The following PRDM16 variants were observed in gnomAD, a reference collection of about 807,000 sequenced individuals.
PRDM16 encodes PR/SET domain 16, also known as histone-lysine N-methyltransferase PRDM16.
PRDM16 carries 23 observed loss-of-function variants against 110.6 expected under a neutral mutation model. The observed-to-expected ratio is 0.21, with a 90% confidence interval of 0.15 to 0.29. The LOEUF (loss-of-function observed/expected upper bound fraction) is 0.29, where lower values mean the gene tolerates loss of function less well. Ranked by LOEUF, PRDM16 falls within the 10% of genes least tolerant of loss-of-function variation. The pLI is 1.00. For missense variants in PRDM16, 1,615 were observed against 1,794.3 expected, an observed-to-expected ratio of 0.90 and a Z score of 1.81; for synonymous variants, 799 against 781.8, an observed-to-expected ratio of 1.02 and a Z score of -0.37.
chr1:3,407,372 G>A (rs552562059), intron 8 of PRDM16, among the ~76,000 whole-genome samples: 90 of 152,346 alleles, frequency 5.9e-4, no homozygotes, highest in African/African-American at 2.0e-3. Context: ...CCTGCCGGCC[G>A]TTCCACAAGT....
chr1:3,191,314 C>T (rs1353920911), intron 2 of PRDM16, among the ~76,000 whole-genome samples: 1 of 152,172 alleles, frequency 6.6e-6, no homozygotes, highest in East Asian at 1.9e-4. Context: ...TGTATCTGGG[C>T]CAGGGCCTGT....
At chr1:3,324,330 C>G (rs1178918218) in intron 3 of PRDM16, among the ~76,000 whole-genome samples, 8 of 152,190 alleles carry the variant, frequency 5.3e-5, no homozygotes, top group African/African-American at 1.4e-4. Context: ...ACCTTTGCCA[C>G]CCTGCCCCGC....
intron 1 of PRDM16, among the ~76,000 whole-genome samples, chr1:3,167,241 G>A (rs1253397984): frequency 6.6e-6 from 1 of 152,130 alleles, no homozygotes; most frequent in Non-Finnish European, 1.5e-5. Flanking sequence ...CCTTCAGCCT[G>A]TACACAAAGC....
At chr1:3,389,158 G>A (rs1643250808) in intron 4 of PRDM16, among the ~76,000 whole-genome samples, 2 of 152,202 alleles carry the variant, frequency 1.3e-5, no homozygotes, top group Admixed American at 6.5e-5. Context: ...CCACTGGGGA[G>A]AGGCAGGGGA....
chr1:3,348,017 C>T (rs1478734825), intron 3 of PRDM16, among the ~76,000 whole-genome samples: 7 of 149,886 alleles, frequency 4.7e-5, no homozygotes, highest in South Asian at 4.3e-4. Context: ...CTGCTTTGGC[C>T]GAGGCTAGAA....
chr1:3,167,326 C>T (rs915400408), intron 1 of PRDM16, among the ~76,000 whole-genome samples: 18 of 152,132 alleles, frequency 1.2e-4, no homozygotes, highest in South Asian at 8.3e-4. Context: ...ATCCGTCATC[C>T]GCAGAACTCA....
intron 1 of PRDM16, among the ~76,000 whole-genome samples, chr1:3,162,461 G>C (rs1352441965): frequency 6.6e-6 from 1 of 152,172 alleles, no homozygotes; most frequent in Non-Finnish European, 1.5e-5. Flanking sequence ...ACTCCCAAGA[G>C]AGCTGCAGCA....
At position 3,369,987 on chromosome 1, in the gene PRDM16, C is replaced by T. The variant is rs76103107; in HGVS notation, c.439-15165C>T. ...CGAAAGGCAGTGAGTCACTGAGCTC[C>T]TCCAGCCCGGCGTGTCACAGGGAGA... On this transcript the variant is annotated intron_variant, in intron 3 of 16. Transcript: ENST00000270722. Among the ~76,000 whole-genome samples, 995 of 152,294 alleles carry T rather than the reference C, an allele frequency of 6.5e-3. 14 individuals carry two copies. The highest frequency in any genetic ancestry group is 0.057 in the South Asian group (274 of 4,820).
chr1:3,157,015 C>T lies in PRDM16; in HGVS notation c.38-29110C>T, dbSNP rs568232229. Among the ~76,000 whole-genome samples the T allele has an allele frequency of 6.1e-4, 93 of 152,314 alleles. No individual in the cohort carries two copies. The highest frequency in any genetic ancestry group is 1.6e-4 in the Non-Finnish European group (11 of 68,036). ...GTGCAAGCTGTAAGCCAGTGAGTGT[C>T]TGGTTAGAGGCTGGGCTGGGGCTGA... On this transcript the variant is annotated intron_variant, in intron 1 of 16. Transcript: ENST00000270722. The surrounding 1 kb of genome is among the most constrained non-coding windows in gnomAD (Gnocchi z 4.8).
intron 2 of PRDM16, among the ~76,000 whole-genome samples, chr1:3,235,505 C>T (rs2100895846): frequency 6.6e-6 from 1 of 152,318 alleles, no homozygotes; most frequent in African/African-American, 2.4e-5. Flanking sequence ...TGCTCGGGGA[C>T]AGGGGCCTGC....
rs1405633619 is a variant in PRDM16, at chr1:3,190,236, C to CAT, written c.387+3762_387+3763insAT. Among the ~76,000 whole-genome samples the CAT allele has an allele frequency of 1.8e-4, 26 of 148,350 alleles. 2 individuals carry two copies. The highest frequency in any genetic ancestry group is 3.5e-4 in the Non-Finnish European group (24 of 67,812). ...TCGTGGGGCAGCCTTACTTCAAGGT[C>CAT]GTGGGGCAGCCTTACTTCAAGGTCG... On this transcript the variant is annotated intron_variant, in intron 2 of 16. Coordinates refer to ENST00000270722, the MANE Select transcript of PRDM16 (RefSeq NM_022114.4). The surrounding 1 kb of genome is among the most constrained non-coding windows in gnomAD (Gnocchi z 5.0).
In PRDM16 at chr1:3,426,229, A is replaced by G. The variant is rs903904639; in HGVS notation, c.3284+4A>G. ...CATCAACGCGAACAGAGAAACGGTA[A>G]GAAAACTATCGCGGGCTGGGGAAAG... is the stretch of plus-strand genomic sequence containing the variant. On this transcript the variant is annotated splice_donor_region_variant and intron_variant, in intron 14 of 16. Transcript: ENST00000270722. 1 of 1,612,012 alleles carries G rather than the reference A, an allele frequency of 6.2e-7. No individual in the cohort carries two copies. Among genetic ancestry groups the G allele is most frequent in the Non-Finnish European group, 8.5e-7 (1 of 1,178,550 alleles).
At chr1:3,180,036 A>C (rs1326672528) in intron 1 of PRDM16, among the ~76,000 whole-genome samples, 2 of 152,048 alleles carry the variant, frequency 1.3e-5, no homozygotes, top group African/African-American at 2.4e-5. Flanking sequence ...CTTCCGTCTC[A>C]TACTTTTGAC....
At chr1:3,181,718 A>C (rs905009401) in intron 1 of PRDM16, among the ~76,000 whole-genome samples, 1 of 87,882 alleles carries the variant, frequency 1.1e-5, no homozygotes, top group African/African-American at 4.2e-5. Context: ...TTACACACGC[A>C]GTCTTACACA....
intron 2 of PRDM16, among the ~76,000 whole-genome samples, chr1:3,233,958 G>A (rs1005788342): frequency 1.3e-5 from 2 of 152,110 alleles, no homozygotes; most frequent in African/African-American, 4.8e-5. Flanking sequence ...CCTCTTGCGG[G>A]TGGGAGTGGC....
rs534381838 is a variant in PRDM16, at chr1:3,365,628, C to A, written c.439-19524C>A. Among the ~76,000 whole-genome samples, 7 of 152,330 alleles carry A rather than the reference C, an allele frequency of 4.6e-5. No homozygotes were observed. In the South Asian group the frequency reaches 1.4e-3, roughly 32 times the overall value. The stretch of plus-strand genomic sequence containing the variant: ...TGGGGGCTCTGTGCTAGGCAGCCAG[C>A]GGCCCTGAATGTTAGCTGCAGGCAG... On this transcript the variant is annotated intron_variant, in intron 3 of 16. Coordinates refer to ENST00000270722, the MANE Select transcript of PRDM16 (RefSeq NM_022114.4).
In PRDM16 at chr1:3,359,878, C is replaced by A. The variant is rs959505767; in HGVS notation, c.439-25274C>A. ...AAGGGCTTCCAATGTGTTCCATGTG[C>A]AGGATCTCTTGGAAGACGGATGCCG... On this transcript the variant is annotated intron_variant, in intron 3 of 16. Coordinates refer to ENST00000270722, the MANE Select transcript of PRDM16 (RefSeq NM_022114.4). This position sits in a 1 kb window ranked among gnomAD's most constrained non-coding sequence, Gnocchi z 4.3. 1.3e-5 allele frequency among the ~76,000 whole-genome samples: 2 copies of A among 152,184 alleles called. No individual in the cohort carries two copies. Among genetic ancestry groups the A allele is most frequent in the African/African-American group, 4.8e-5 (2 of 41,446 alleles).
chr1:3,114,896 C>G (rs529839022), intron 1 of PRDM16, among the ~76,000 whole-genome samples: 20 of 152,386 alleles, frequency 1.3e-4, no homozygotes, highest in African/African-American at 4.8e-4. Flanking sequence ...ATGCAGGATT[C>G]GCACTCAGCC....
chr1:3,354,432 C>T (rs1287823437), intron 3 of PRDM16, among the ~76,000 whole-genome samples: 1 of 147,852 alleles, frequency 6.8e-6, no homozygotes, highest in East Asian at 2.0e-4. Context: ...TGCACTCCAG[C>T]CTGGGTGACA....
Sources: gnomAD v4.1 joint callset for allele counts (sites outside exome capture counted in the v4.1 genomes callset) on GRCh38, gnomAD v4.1.1 for gene constraint, Gnocchi (gnomAD v3.1) non-coding constraint, MANE v1.5 for transcripts, NCBI Gene and HGNC (gene_info 2026-07-23, HGNC 2026-07-21) for gene names.